The following ANKS1B variants were observed in gnomAD, a reference collection of about 807,000 sequenced individuals.
ANKS1B encodes ankyrin repeat and sterile alpha motif domain containing 1B, also known as ankyrin repeat and sterile alpha motif domain-containing protein 1B.
ANKS1B carries 36 observed loss-of-function variants against 148.3 expected under a neutral mutation model. That is an observed-to-expected ratio of 0.24 (90% CI 0.19 to 0.32). The LOEUF is 0.32. Ranked by LOEUF, ANKS1B falls within the 10% of genes least tolerant of loss-of-function variation. The pLI is 1.00. For synonymous variants in ANKS1B, 542 were observed against 560.8 expected (o/e 0.97, Z 0.47); for missense variants, 1,157 against 1,542.6 (o/e 0.75, Z 4.19).
At chr12:99,917,547 T>C (rs2094209013) in intron 1 of ANKS1B, among the ~76,000 whole-genome samples, 1 of 152,258 alleles carries the variant, frequency 6.6e-6, no homozygotes, top group Non-Finnish European at 1.5e-5. Flanking sequence ...CAGACATTTG[T>C]GGCAGGTTGA....
At chr12:99,239,265 A>G (rs2088721889) in intron 14 of ANKS1B, among the ~76,000 whole-genome samples, 1 of 152,230 alleles carries the variant, frequency 6.6e-6, no homozygotes, top group Non-Finnish European at 1.5e-5. Flanking sequence ...GAACCTCATG[A>G]TGCATGCACA....
chr12:99,878,697 T>C (rs935492739), intron 1 of ANKS1B, among the ~76,000 whole-genome samples: 3 of 152,188 alleles, frequency 2.0e-5, no homozygotes, highest in Admixed American at 2.0e-4. Context: ...ATGTGCTGAA[T>C]GTGCAGGTTT....
In ANKS1B at chr12:98,858,315, G is replaced by C. The variant is rs74608092; in HGVS notation, c.2779-26179C>G. Among the ~76,000 whole-genome samples the C allele has an allele frequency of 9.8e-4, 149 of 152,264 alleles. 3 individuals are homozygous for C. The East Asian group carries it at 0.025, about 25-fold the overall frequency. ...GTAAGTATGTTCAGAGGAAAAGCTG[G>C]TCAGATGAATGTAAGAGAGGCTTCT... On this transcript the variant is annotated intron_variant, in intron 17 of 26. Transcript: ENST00000683438.
chr12:99,633,271 C>T (rs200976768), intron 9 of ANKS1B, among the ~76,000 whole-genome samples: 1 of 152,036 alleles, frequency 6.6e-6, no homozygotes, highest in South Asian at 2.1e-4. Context: ...CAGCATGGTA[C>T]TGGTACCAAA....
chr12:99,224,855 C>A (rs2085654541), intron 14 of ANKS1B, among the ~76,000 whole-genome samples: 1 of 152,150 alleles, frequency 6.6e-6, no homozygotes, highest in South Asian at 2.1e-4. Flanking sequence ...ATCTCATAAT[C>A]TTTCTCATAT....
chr12:98,773,500 G>A (rs117864460), intron 24 of ANKS1B, among the ~76,000 whole-genome samples: 2,755 of 152,236 alleles, frequency 0.018, 34 homozygotes, highest in Non-Finnish European at 0.029. Flanking sequence ...TGTTGCTCAG[G>A]CTGAAGTGCA....
chr12:99,699,398 G>A (rs1177074408), intron 8 of ANKS1B, among the ~76,000 whole-genome samples: 1 of 152,052 alleles, frequency 6.6e-6, no homozygotes. Context: ...CTTCAGTGCT[G>A]ACTTTCTTAA....
At chr12:99,741,661 C>G (rs567910322) in intron 8 of ANKS1B, among the ~76,000 whole-genome samples, 1 of 152,008 alleles carries the variant, frequency 6.6e-6, no homozygotes, top group Non-Finnish European at 1.5e-5. Flanking sequence ...AACCAAACAC[C>G]GCATGTTCTC....
chr12:99,943,086 A>G (rs2094959665), intron 1 of ANKS1B, among the ~76,000 whole-genome samples: 1 of 152,158 alleles, frequency 6.6e-6, no homozygotes, highest in Non-Finnish European at 1.5e-5. Flanking sequence ...TTGCTACCTG[A>G]AAGAAGCCCA....
intron 8 of ANKS1B, among the ~76,000 whole-genome samples, chr12:99,668,847 T>G (rs578201088): frequency 6.6e-6 from 1 of 152,144 alleles, no homozygotes; most frequent in Admixed American, 6.5e-5. Context: ...TTTCTCTGTA[T>G]TTTATTTTGG....
At chr12:99,849,269 A>G (rs1230781171) in intron 1 of ANKS1B, among the ~76,000 whole-genome samples, 2 of 152,142 alleles carry the variant, frequency 1.3e-5, no homozygotes, top group Non-Finnish European at 2.9e-5. Flanking sequence ...GTGTGTGTGT[A>G]TACATATATG....
chr12:99,032,233 A>G (rs2099952666), intron 17 of ANKS1B, among the ~76,000 whole-genome samples: 1 of 152,338 alleles, frequency 6.6e-6, no homozygotes, highest in East Asian at 1.9e-4. Context: ...CTGATATCAC[A>G]GCTTCTGTTA....
At chr12:99,741,094 G>A (rs946838365) in intron 8 of ANKS1B, among the ~76,000 whole-genome samples, 15 of 151,930 alleles carry the variant, frequency 9.9e-5, no homozygotes, top group Admixed American at 7.9e-4. Flanking sequence ...TGTAATCCCA[G>A]CTACTCGGGA....
chr12:99,148,544 A>G (rs1359261513), intron 15 of ANKS1B, among the ~76,000 whole-genome samples: 1 of 152,152 alleles, frequency 6.6e-6, no homozygotes, highest in Non-Finnish European at 1.5e-5. Flanking sequence ...AACAATTAGT[A>G]GCTCTGCCAG....
intron 9 of ANKS1B, among the ~76,000 whole-genome samples, chr12:99,630,826 C>A (rs979377245): frequency 4.6e-5 from 7 of 152,148 alleles, no homozygotes; most frequent in Non-Finnish European, 1.0e-4. Context: ...CCAGCTCTGG[C>A]CCCTTGACCT....
chr12:99,414,118 C>CT (rs35133605), intron 11 of ANKS1B, among the ~76,000 whole-genome samples: 43,566 of 146,838 alleles, frequency 0.3, 6,624 homozygotes, highest in East Asian at 0.49. Context: ...AGCAGTTATA[C>CT]TTTTTTTTTT....
At chr12:98,899,603 A>G (rs549751103) in intron 17 of ANKS1B, among the ~76,000 whole-genome samples, 2 of 152,312 alleles carry the variant, frequency 1.3e-5, no homozygotes, top group South Asian at 4.1e-4. Context: ...CTCATCCACA[A>G]GAGTTTTCAC....
chr12:99,569,521 T>A (rs1031023347), intron 9 of ANKS1B, among the ~76,000 whole-genome samples: 3 of 152,176 alleles, frequency 2.0e-5, no homozygotes, highest in Non-Finnish European at 4.4e-5. Flanking sequence ...GGGAAAAAAC[T>A]AAAATGTAGG....
intron 17 of ANKS1B, among the ~76,000 whole-genome samples, chr12:98,840,802 C>T (rs1199197267): frequency 2.0e-5 from 3 of 152,090 alleles, no homozygotes; most frequent in Non-Finnish European, 4.4e-5. Context: ...AACTAATTTC[C>T]CTGAAAGTTA....
Sources: gnomAD v4.1 joint callset for allele counts (sites outside exome capture counted in the v4.1 genomes callset) on GRCh38, gnomAD v4.1.1 for gene constraint, MANE v1.5 for transcripts, NCBI Gene and HGNC (gene_info 2026-07-23, HGNC 2026-07-21) for gene names.